The following MAP2K4 variants were observed in gnomAD, a reference collection of about 807,000 sequenced individuals.
The protein encoded by MAP2K4 is mitogen-activated protein kinase kinase 4, also known as dual specificity mitogen-activated protein kinase kinase 4.
Under a neutral mutation model 48.5 loss-of-function variants are expected in MAP2K4, and 4 were observed. The observed-to-expected ratio is 0.08, with a 90% CI of 0.04 to 0.19. The LOEUF is 0.19. Among genes scored for constraint, MAP2K4 ranks in the 10% least tolerant of loss-of-function variants. MAP2K4 has a pLI of 1.00. For synonymous variants in MAP2K4, 166 were observed against 173.1 expected, an observed-to-expected ratio of 0.96 and a Z score of 0.32; for missense variants, 258 against 493.3, an observed-to-expected ratio of 0.52 and a Z score of 4.52.
At chr17:12,076,857 T>TTG (rs57224781) in intron 2 of MAP2K4, among the ~76,000 whole-genome samples, 39,845 of 150,834 alleles carry the variant, frequency 0.26, 5,288 homozygotes, top group African/African-American at 0.3. Flanking sequence ...TGTTTGTATT[T>TTG]TGTGTGTGTG....
intron 2 of MAP2K4, among the ~76,000 whole-genome samples, chr17:12,075,140 C>A (rs894930275): frequency 3.3e-5 from 5 of 152,056 alleles, no homozygotes; most frequent in Admixed American, 3.3e-4. Flanking sequence ...TAGTTTCTTA[C>A]AATAGTGACT....
intron 2 of MAP2K4, among the ~76,000 whole-genome samples, chr17:12,070,269 C>G (rs1970760670): frequency 6.6e-6 from 1 of 151,756 alleles, no homozygotes; most frequent in Non-Finnish European, 1.5e-5. Context: ...TTCTCATGTG[C>G]AGGAAAAAGA....
chr17:12,023,886 A>G (rs943597635), intron 1 of MAP2K4, among the ~76,000 whole-genome samples: 1 of 152,212 alleles, frequency 6.6e-6, no homozygotes, highest in African/African-American at 2.4e-5. Flanking sequence ...TTGAGAATGC[A>G]TGTAAGCCTG....
At chr17:12,063,530 A>G (rs1215809711) in intron 2 of MAP2K4, among the ~76,000 whole-genome samples, 1 of 152,232 alleles carries the variant, frequency 6.6e-6, no homozygotes, top group South Asian at 2.1e-4. Flanking sequence ...CAAAAACTCT[A>G]TAAAGCTTCT....
intron 7 of MAP2K4, among the ~76,000 whole-genome samples, chr17:12,119,042 T>G (rs538484938): frequency 6.6e-6 from 1 of 152,352 alleles, no homozygotes; most frequent in South Asian, 2.1e-4. Flanking sequence ...TAATGAAGCT[T>G]CAGTTTTTCA....
At chr17:12,093,719 C>G (rs1332828672) in intron 3 of MAP2K4, among the ~76,000 whole-genome samples, 1 of 152,040 alleles carries the variant, frequency 6.6e-6, no homozygotes, top group Non-Finnish European at 1.5e-5. Context: ...TAGAAATCTT[C>G]CCCAACCAAA....
At chr17:12,032,493 T>A (rs921306986) in intron 1 of MAP2K4, among the ~76,000 whole-genome samples, 1 of 152,120 alleles carries the variant, frequency 6.6e-6, no homozygotes, top group African/African-American at 2.4e-5. Context: ...TCACTTGAAA[T>A]TGAAATAGCA....
chr17:12,043,162 T>A (rs1036990218), intron 1 of MAP2K4, among the ~76,000 whole-genome samples: 2 of 152,238 alleles, frequency 1.3e-5, no homozygotes, highest in Non-Finnish European at 2.9e-5. Flanking sequence ...TATTGATATA[T>A]GATGGAGAAA....
At position 12,135,048 on chromosome 17, in the gene MAP2K4, A is replaced by G. The variant is rs532644605; in HGVS notation, c.1041-4791A>G. On this transcript the variant is annotated intron_variant, in intron 9 of 10. Coordinates refer to ENST00000353533, the MANE Select transcript of MAP2K4 (RefSeq NM_003010.4). ...CCCCCGAGTAGCTGGGACTACAGGA[A>G]TGTGCCACTACACCTGGCTAATTTT... Among the ~76,000 whole-genome samples the G allele has an allele frequency of 2.2e-4, 33 of 152,162 alleles. 1 individual carries two copies. The South Asian group carries it at 6.0e-3, about 28-fold the overall frequency.
chr17:12,064,707 A>G (rs544956776), intron 2 of MAP2K4, among the ~76,000 whole-genome samples: 12 of 152,174 alleles, frequency 7.9e-5, no homozygotes, highest in Non-Finnish European at 1.8e-4. Context: ...CAGCAGTCCT[A>G]CCTTTTGTTA....
At chr17:12,101,004 C>T (rs946233375) in intron 4 of MAP2K4, among the ~76,000 whole-genome samples, 32 of 151,940 alleles carry the variant, frequency 2.1e-4, no homozygotes, top group African/African-American at 7.0e-4. Context: ...CTCCTGTCTG[C>T]GCTTATCTTT....
At chr17:12,099,454 A>G (rs570749756) in intron 4 of MAP2K4, among the ~76,000 whole-genome samples, 2 of 152,296 alleles carry the variant, frequency 1.3e-5, no homozygotes, top group South Asian at 4.1e-4. Context: ...ATTAGAGATT[A>G]ATCTTGCTGT....
intron 1 of MAP2K4, chr17:12,026,803 G>A (rs1969267299): frequency 6.6e-6 from 1 of 152,210 alleles, no homozygotes; most frequent in Admixed American, 6.5e-5. Context: ...GCCACCTTTT[G>A]AGATGATTTT....
chr17:12,088,593 A>T (rs1267000321), intron 3 of MAP2K4, among the ~76,000 whole-genome samples: 9 of 130,728 alleles, frequency 6.9e-5, no homozygotes, highest in Non-Finnish European at 6.4e-5. Context: ...ATATATATTA[A>T]ATATATTATA....
intron 1 of MAP2K4, among the ~76,000 whole-genome samples, chr17:12,021,735 A>G (rs1394854468): frequency 2.8e-5 from 1 of 35,596 alleles, no homozygotes; most frequent in African/African-American, 7.0e-5. Flanking sequence ...GTGCAGGAAG[A>G]AAAAAAAAAA....
intron 1 of MAP2K4, among the ~76,000 whole-genome samples, chr17:12,053,441 A>G (rs960362558): frequency 6.6e-6 from 1 of 151,270 alleles, no homozygotes; most frequent in Non-Finnish European, 1.5e-5. Context: ...CTTGATTTCT[A>G]TGATGTCTTT....
chr17:12,044,584 A>G (rs1030002041), intron 1 of MAP2K4, among the ~76,000 whole-genome samples: 3 of 152,234 alleles, frequency 2.0e-5, no homozygotes, highest in African/African-American at 7.2e-5. Context: ...ACACCATACA[A>G]CAATCAACAT....
At chr17:12,135,005 C>T (rs370209648) in intron 9 of MAP2K4, among the ~76,000 whole-genome samples, 6 of 152,130 alleles carry the variant, frequency 3.9e-5, no homozygotes, top group Non-Finnish European at 1.5e-5. Flanking sequence ...CAGGCTCAAG[C>T]GATCCTCCCA....
At chr17:12,109,265 A>G (rs1018302422) in intron 5 of MAP2K4, among the ~76,000 whole-genome samples, 1 of 152,182 alleles carries the variant, frequency 6.6e-6, no homozygotes, top group South Asian at 2.1e-4. Context: ...TTATTTTATC[A>G]TATATTGCAA....
Sources: allele counts gnomAD v4.1 joint callset (sites outside exome capture counted in the v4.1 genomes callset), GRCh38; gene constraint gnomAD v4.1.1; transcripts MANE v1.5; gene names NCBI Gene and HGNC (gene_info 2026-07-23, HGNC 2026-07-21).